The following CIDEA variants were observed in gnomAD, a reference collection of about 807,000 sequenced individuals.
The protein encoded by CIDEA is cell death inducing DFFA like effector a, also known as lipid transferase CIDEA.
Under a neutral mutation model 18.2 loss-of-function variants are expected in CIDEA, and 10 were observed. That is an observed-to-expected ratio of 0.55 (90% confidence interval 0.34 to 0.93). The LOEUF is 0.93. CIDEA is among the 40% of genes least tolerant of loss of function. CIDEA has a pLI of 0.02. For missense variants in CIDEA, 309 were observed against 293.1 expected, an observed-to-expected ratio of 1.05 and a Z score of -0.40; for synonymous variants, 128 against 124.8, an observed-to-expected ratio of 1.03 and a Z score of -0.17.
At chr18:12,256,705 C>T (rs558065275) in intron 1 of CIDEA, among the ~76,000 whole-genome samples, 14 of 152,312 alleles carry the variant, frequency 9.2e-5, no homozygotes, top group African/African-American at 2.9e-4. Flanking sequence ...AGGTTTTGTG[C>T]TGCTATTTCA....
At chr18:12,267,648 C>T (rs1039303803) in intron 3 of CIDEA, among the ~76,000 whole-genome samples, 1 of 152,302 alleles carries the variant, frequency 6.6e-6, no homozygotes, top group Middle Eastern at 3.4e-3. Flanking sequence ...CAAGCCACCA[C>T]CACGCCTGGC....
intron 3 of CIDEA, among the ~76,000 whole-genome samples, chr18:12,270,542 A>G (rs1304048068): frequency 2.6e-5 from 4 of 152,046 alleles, no homozygotes. Context: ...TACAAAAATT[A>G]GACAAGCATG....
intron 2 of CIDEA, among the ~76,000 whole-genome samples, chr18:12,263,232 A>G (rs1242407480): frequency 1.3e-5 from 2 of 151,278 alleles, no homozygotes; most frequent in African/African-American, 4.9e-5. Context: ...TCCCACCTCA[A>G]CCTCCCAAGT....
intron 1 of CIDEA, among the ~76,000 whole-genome samples, chr18:12,262,494 T>C (rs983427968): frequency 6.6e-6 from 1 of 152,248 alleles, no homozygotes; most frequent in African/African-American, 2.4e-5. Flanking sequence ...TCTTTTGGAT[T>C]TTTTAAATCT....
intron 3 of CIDEA, among the ~76,000 whole-genome samples, chr18:12,268,653 C>G (rs1182681616): frequency 6.6e-6 from 1 of 151,980 alleles, no homozygotes; most frequent in Non-Finnish European, 1.5e-5. Context: ...TCCACTACCT[C>G]TGCCTCCCAC....
intron 1 of CIDEA, among the ~76,000 whole-genome samples, chr18:12,261,461 C>A (rs908801323): frequency 6.6e-6 from 1 of 152,200 alleles, no homozygotes; most frequent in Admixed American, 6.5e-5. Flanking sequence ...AGCAGGGTAA[C>A]TGTGTCTCCC....
chr18:12,274,533 G>A (rs1411558848), intron 4 of CIDEA, among the ~76,000 whole-genome samples: 1 of 152,180 alleles, frequency 6.6e-6, no homozygotes, highest in Non-Finnish European at 1.5e-5. Flanking sequence ...TAAATATAAA[G>A]AGGAACCACA....
At chr18:12,254,714 C>G in intron 1 of CIDEA, 2 of 1,485,256 alleles carry the variant, frequency 1.3e-6, no homozygotes, top group Non-Finnish European at 1.8e-6. Flanking sequence ...CGTCTGCAAA[C>G]CAGGTGACAG....
At chr18:12,273,134 A>G (rs1478021408) in intron 3 of CIDEA, among the ~76,000 whole-genome samples, 1 of 152,166 alleles carries the variant, frequency 6.6e-6, no homozygotes, top group African/African-American at 2.4e-5. Context: ...GTTTGTCTGT[A>G]TGGTGGGACA....
rs749641132 is a variant in CIDEA at position 12,254,391 on chromosome 18, C to T, written c.8C>T (p.Ala3Val). 1 of 1,542,378 alleles carries T rather than the reference C, an allele frequency of 6.5e-7. No homozygotes were observed. The highest frequency in any genetic ancestry group is 2.0e-5 in the Admixed American group (1 of 51,212). Residue 3 changes from alanine (A) to valine (V), a missense_variant, in exon 1 of 5, where the codon GCC (alanine) becomes GTC (valine). Ala to Val is a moderately conservative substitution (Grantham distance 64). Transcript: ENST00000320477. ...CGCTAGGGGATCCGCGCCATGGAGG[C>T]CGCCCGGGACTATGCAGGAGCCCTC... ME[A>V]ARDYAGALIR...
intron 3 of CIDEA, among the ~76,000 whole-genome samples, chr18:12,267,029 G>A (rs1180142208): frequency 1.3e-5 from 2 of 152,150 alleles, no homozygotes; most frequent in Admixed American, 6.5e-5. Context: ...AAAGTGCTGG[G>A]ATTACAGGTG....
chr18:12,263,883 C>A (rs1912266570), intron 2 of CIDEA: 1 of 153,174 alleles, frequency 6.5e-6, no homozygotes, highest in African/African-American at 2.4e-5. Context: ...TTAGAAATTA[C>A]AAATATTATT....
At chr18:12,273,295 AGTAACCCTGT>A (rs1187020537) in intron 3 of CIDEA, among the ~76,000 whole-genome samples, 2 of 152,190 alleles carry the variant, frequency 1.3e-5, no homozygotes, top group African/African-American at 2.4e-5. Context: ...CACAAGACCT[AGTAACCCTGT>A]GTAGACCCGA....
intron 3 of CIDEA, among the ~76,000 whole-genome samples, chr18:12,270,139 T>A (rs1312617905): frequency 2.0e-5 from 3 of 152,100 alleles, no homozygotes; most frequent in Non-Finnish European, 4.4e-5. Context: ...GAGATACACA[T>A]GTGCTAAAAA....
intron 4 of CIDEA, among the ~76,000 whole-genome samples, chr18:12,275,038 G>A (rs1912666131): frequency 6.6e-6 from 1 of 152,146 alleles, no homozygotes; most frequent in Non-Finnish European, 1.5e-5. Context: ...AAATGAGAAG[G>A]TTGGTCAGGC....
rs751319304 is a variant in CIDEA, at chr18:12,254,433, G to C, written c.38+12G>C. ...GGAGCCCTCATCAGGCGAGTGCCCC[G>C]CGTCCCCCTGATTGCCGTGCGCTTC... On this transcript the variant is annotated intron_variant, in intron 1 of 4. Transcript: ENST00000320477. 6.3e-7 allele frequency: 1 copy of C among 1,594,708 alleles called. No individual in the cohort carries two copies. The highest frequency in any genetic ancestry group is 8.5e-7 in the Non-Finnish European group (1 of 1,173,692).
chr18:12,264,272 C>CTGAA, intron 2 of CIDEA, 35 bp from the exon 3 acceptor site: 4 of 1,525,460 alleles, frequency 2.6e-6, no homozygotes, highest in Non-Finnish European at 3.5e-6. Context: ...AAATACCTGG[C>CTGAA]TTCACTCCAT....
rs145655629 is a variant in CIDEA at position 12,255,002 on chromosome 18, G to C, written c.38+581G>C. On this transcript the variant is annotated intron_variant, in intron 1 of 4. Coordinates refer to ENST00000320477, the MANE Select transcript of CIDEA (RefSeq NM_001279.4). ...CGCTCCTCCTTGCCTCCGGGTCCAA[G>C]GGCGGAGACGCTGCCTGGGGAGCAG... The C allele has an allele frequency of 5.2e-6, 6 of 1,143,288 alleles. No individual in the cohort carries two copies. The African/African-American group carries it at 9.8e-5, about 19-fold the overall frequency. 70.8% of individuals were successfully genotyped at this position (1,143,288 alleles called of 1,614,324 possible). A position where few individuals can be genotyped will look rare whatever the true frequency, so the allele number is the denominator to read the frequency against.
chr18:12,274,044 G>A, intron 3 of CIDEA, 49 bp from the exon 4 acceptor site: 1 of 1,596,634 alleles, frequency 6.3e-7, no homozygotes, highest in Non-Finnish European at 8.6e-7. Flanking sequence ...TGATGACGTG[G>A]GAGGGTTAGG....
Sources: allele counts gnomAD v4.1 joint callset (sites outside exome capture counted in the v4.1 genomes callset), GRCh38; gene constraint gnomAD v4.1.1; transcripts MANE v1.5; gene names NCBI Gene and HGNC (gene_info 2026-07-23, HGNC 2026-07-21).